PPP3CC: variants seen among roughly 807,000 people sequenced by gnomAD.
The protein encoded by PPP3CC is protein phosphatase 3 catalytic subunit gamma, also known as serine/threonine-protein phosphatase 2B catalytic subunit gamma isoform.
Under a neutral mutation model 60.3 loss-of-function variants are expected in PPP3CC, and 35 were observed. The ratio of observed to expected loss-of-function variants is 0.58; its 90% confidence interval spans 0.44 to 0.77. PPP3CC has a LOEUF of 0.77. PPP3CC is among the 30% of genes least tolerant of loss of function. The pLI, the probability that PPP3CC is intolerant of heterozygous loss-of-function variation, is 0.00. For missense variants in PPP3CC, 570 were observed against 628.9 expected (o/e 0.91, Z 1.00); for synonymous variants, 206 against 224.3 (o/e 0.92, Z 0.73).
intron 6 of PPP3CC, among the ~76,000 whole-genome samples, chr8:22,519,882 C>G (rs1839358317): frequency 1.3e-5 from 2 of 152,148 alleles, no homozygotes; most frequent in South Asian, 4.1e-4. Flanking sequence ...TCTCTAACTC[C>G]TGGCCTCAAG....
At chr8:22,470,290 C>T (rs1302699273) in intron 1 of PPP3CC, among the ~76,000 whole-genome samples, 3 of 151,752 alleles carry the variant, frequency 2.0e-5, no homozygotes, top group Non-Finnish European at 4.4e-5. Flanking sequence ...CCTGGCCCTG[C>T]AGTATAATTT....
intron 3 of PPP3CC, among the ~76,000 whole-genome samples, chr8:22,497,341 T>G (rs1838621327): frequency 6.6e-6 from 1 of 152,038 alleles, no homozygotes; most frequent in South Asian, 2.1e-4. Context: ...ATTTTTTTTT[T>G]TTTTAAAGAT....
At chr8:22,508,992 A>G (rs1485822950) in intron 4 of PPP3CC, among the ~76,000 whole-genome samples, 2 of 152,232 alleles carry the variant, frequency 1.3e-5, no homozygotes, top group Non-Finnish European at 2.9e-5. Context: ...GCTGACTGCT[A>G]CAACAGCAAT....
intron 1 of PPP3CC, among the ~76,000 whole-genome samples, chr8:22,459,248 A>T (rs904980113): frequency 1.3e-5 from 2 of 152,060 alleles, no homozygotes; most frequent in Non-Finnish European, 2.9e-5. Context: ...CATTTTAGTG[A>T]TTTGTTATTT....
chr8:22,451,667 A>C (rs1054771401), intron 1 of PPP3CC, among the ~76,000 whole-genome samples: 3 of 152,372 alleles, frequency 2.0e-5, no homozygotes, highest in East Asian at 3.9e-4. Context: ...TTTTCCATGC[A>C]CAGCATGATG....
intron 1 of PPP3CC, among the ~76,000 whole-genome samples, chr8:22,459,876 G>A (rs1170789781): frequency 1.3e-5 from 2 of 152,050 alleles, no homozygotes; most frequent in Non-Finnish European, 1.5e-5. Context: ...GTCATAGAAG[G>A]CATGAACCAT....
chr8:22,446,616 G>A (rs2132422709), intron 1 of PPP3CC, among the ~76,000 whole-genome samples: 1 of 152,082 alleles, frequency 6.6e-6, no homozygotes, highest in Middle Eastern at 3.4e-3. Flanking sequence ...CTGAGGTCCG[G>A]CCAACGTGGC....
At chr8:22,526,977 C>G (rs1839576705) in intron 8 of PPP3CC, among the ~76,000 whole-genome samples, 1 of 152,152 alleles carries the variant, frequency 6.6e-6, no homozygotes, top group African/African-American at 2.4e-5. Flanking sequence ...ATCTTTGACT[C>G]TGGCTAATGA....
chr8:22,480,447 G>A (rs1838027296), intron 3 of PPP3CC, among the ~76,000 whole-genome samples: 2 of 151,866 alleles, frequency 1.3e-5, no homozygotes, highest in Non-Finnish European at 2.9e-5. Flanking sequence ...GGCTTTCCAG[G>A]GGCTGAACTG....
At chr8:22,462,575 CT>C (rs779444558) in intron 1 of PPP3CC, among the ~76,000 whole-genome samples, 215 of 142,778 alleles carry the variant, frequency 1.5e-3, no homozygotes, top group Middle Eastern at 3.6e-3. Context: ...TTTCTTTTTT[CT>C]TTTTTTTTTT....
At chr8:22,452,337 C>G (rs930943043) in intron 1 of PPP3CC, among the ~76,000 whole-genome samples, 2 of 152,094 alleles carry the variant, frequency 1.3e-5, no homozygotes, top group African/African-American at 4.8e-5. Flanking sequence ...CCTGGCCCTG[C>G]GTAGAATCTT....
At chr8:22,526,261 TG>T (rs926006653) in intron 8 of PPP3CC, among the ~76,000 whole-genome samples, 1 of 152,224 alleles carries the variant, frequency 6.6e-6, no homozygotes, top group African/African-American at 2.4e-5. Context: ...TTCTGTCCAC[TG>T]GGAACACACC....
intron 3 of PPP3CC, among the ~76,000 whole-genome samples, chr8:22,488,551 T>G (rs952839298): frequency 5.3e-5 from 8 of 152,226 alleles, no homozygotes; most frequent in Non-Finnish European, 1.2e-4. Context: ...AAAGAATGAA[T>G]GATTCTCAGA....
intron 12 of PPP3CC, among the ~76,000 whole-genome samples, chr8:22,536,884 G>C (rs1219666638): frequency 6.6e-6 from 1 of 152,126 alleles, no homozygotes; most frequent in Non-Finnish European, 1.5e-5. Flanking sequence ...AGGGATTGGC[G>C]TGAGTTACAG....
At chr8:22,458,497 C>T (rs375452283) in intron 1 of PPP3CC, among the ~76,000 whole-genome samples, 1 of 151,740 alleles carries the variant, frequency 6.6e-6, no homozygotes, top group African/African-American at 2.4e-5. Flanking sequence ...ACTTGGGAGG[C>T]TGAGACAGGA....
chr8:22,446,805 CAAAAAAAAA>C (rs34407184), intron 1 of PPP3CC, among the ~76,000 whole-genome samples: 246 of 21,992 alleles, frequency 0.011, 2 homozygotes, highest in African/African-American at 0.025. Context: ...GACTCTGTCT[CAAAAAAAAA>C]AAAAAAAAAA....
At chr8:22,455,071 A>G (rs866543048) in intron 1 of PPP3CC, among the ~76,000 whole-genome samples, 21 of 151,046 alleles carry the variant, frequency 1.4e-4, no homozygotes, top group African/African-American at 3.2e-4. Context: ...AAAAAAAAAA[A>G]AAAGAAAGAA....
At chr8:22,448,473 G>A (rs1586780535) in intron 1 of PPP3CC, among the ~76,000 whole-genome samples, 3 of 150,044 alleles carry the variant, frequency 2.0e-5, no homozygotes. Flanking sequence ...TCTGCCTGCC[G>A]GGTTCAAGCG....
chr8:22,514,425 T>A (rs959151027), intron 6 of PPP3CC, among the ~76,000 whole-genome samples: 2 of 152,034 alleles, frequency 1.3e-5, no homozygotes, highest in African/African-American at 4.8e-5. Flanking sequence ...CACATGAAAC[T>A]TTGATTTCGC....
Sources: gnomAD v4.1 joint callset for allele counts (sites outside exome capture counted in the v4.1 genomes callset) on GRCh38, gnomAD v4.1.1 for gene constraint, MANE v1.5 for transcripts, NCBI Gene and HGNC (gene_info 2026-07-23, HGNC 2026-07-21) for gene names.